Variants in SI observed in about 807,000 individuals in gnomAD.
The protein encoded by SI is sucrase-isomaltase, intestinal.
SI carries 235 observed loss-of-function variants against 253.3 expected under a neutral mutation model. That is an observed-to-expected ratio of 0.93 (90% CI 0.83 to 1.03). The LOEUF (loss-of-function observed/expected upper bound fraction) is 1.03. SI is among the 50% of genes least tolerant of loss of function. The pLI, the probability that SI is intolerant of heterozygous loss-of-function variation, is 0.00. For synonymous variants in SI, 819 were observed against 712.0 expected (o/e 1.15, Z -2.39); for missense variants, 2,442 against 2,211.1 (o/e 1.10, Z -2.09).
chr3:165,076,959 G>A (rs1255197319), intron 1 of SI, among the ~76,000 whole-genome samples: 1 of 148,854 alleles, frequency 6.7e-6, no homozygotes, highest in Non-Finnish European at 1.5e-5. Flanking sequence ...ATAAATTATT[G>A]GGTTTAAAAT....
In SI at chr3:164,994,378, T is replaced by C. The variant is rs1717916379; in HGVS notation, c.4720A>G (p.Thr1574Ala). The C allele has an allele frequency of 6.2e-7, 1 of 1,610,996 alleles. No homozygotes were observed. The highest frequency in any genetic ancestry group is 1.1e-5 in the South Asian group (1 of 91,032). Residue 1574 changes from threonine (T) to alanine (A), a missense_variant, in exon 41 of 48, where the codon ACT (threonine) becomes GCT (alanine). By Grantham distance (58) the Thr-to-Ala change is moderately conservative. Coordinates refer to ENST00000264382, the MANE Select transcript of SI (RefSeq NM_001041.4). The part of the protein sequence containing the change: ...RRQDPASWNE[T>A]FAEMSRNILN... ...ATATTCCTTGACATTTCAGCAAAAG[T>C]TTCATTCCAGGAAGCGGGATCTTGT...
rs765725418 is a variant in SI, at chr3:165,040,999, G to C, written c.2100C>G (p.Tyr700Ter). ...TIRYTLLPFL[Y>*]TLFYKAHVFG... ...ACACATGGGCTTTATAAAACAGAGT[G>C]TAGAGGAAGGGTAATAAGGTGTAGC... is the stretch of plus-strand genomic sequence containing the variant. Residue 700 changes from tyrosine to a stop codon, truncating the protein, a stop_gained, in exon 18 of 48, where the codon TAC (tyrosine) becomes TAG (stop). Coordinates refer to ENST00000264382, the MANE Select transcript of SI (RefSeq NM_001041.4). LOFTEE classifies it high-confidence loss of function. 1 of 1,612,510 alleles carries C rather than the reference G, an allele frequency of 6.2e-7. No homozygotes were observed. Among genetic ancestry groups the C allele is most frequent in the Admixed American group, 1.7e-5 (1 of 59,928 alleles).
rs555691834 is a variant in SI at position 165,017,544 on chromosome 3, A to G, written c.3759+4T>C. The G allele has an allele frequency of 1.7e-5, 27 of 1,610,902 alleles. No homozygotes were observed. In the South Asian group the frequency reaches 2.2e-4, roughly 13 times the overall value. The stretch of plus-strand genomic sequence containing the variant: ...TAACATTGTTTTAAAATTGATATAC[A>G]TACATAGGGGATGTTAGCAGCCACC... On this transcript the variant is annotated splice_donor_region_variant and intron_variant, in intron 31 of 47. Coordinates refer to ENST00000264382, the MANE Select transcript of SI (RefSeq NM_001041.4).
intron 24 of SI, among the ~76,000 whole-genome samples, chr3:165,031,737 T>C (rs1464686327): frequency 6.6e-6 from 1 of 150,874 alleles, no homozygotes; most frequent in Non-Finnish European, 1.5e-5. Flanking sequence ...ATTATATAAA[T>C]GGAGAAAAGA....
chr3:164,991,803 A>G (rs537518961), intron 43 of SI, among the ~76,000 whole-genome samples: 24 of 152,232 alleles, frequency 1.6e-4, no homozygotes, highest in African/African-American at 5.8e-4. Flanking sequence ...TCACATGCCT[A>G]AAGTGTGTGG....
intron 43 of SI, among the ~76,000 whole-genome samples, chr3:164,991,740 A>G (rs987167517): frequency 7.2e-5 from 11 of 152,128 alleles, no homozygotes; most frequent in Non-Finnish European, 1.5e-4. Context: ...CTAGTTAAAT[A>G]TAAGTCTTTA....
intron 37 of SI, among the ~76,000 whole-genome samples, chr3:165,000,028 GAAAT>G (rs1718188466): frequency 1.3e-5 from 2 of 150,908 alleles, no homozygotes; most frequent in African/African-American, 4.8e-5. Context: ...AATTTAATAA[GAAAT>G]AAATATATAA....
At chr3:165,046,776 A>G in intron 16 of SI, 65 bp downstream of exon 16, 1 of 1,298,516 alleles carries the variant, frequency 7.7e-7, no homozygotes, top group East Asian at 2.4e-5. Context: ...AAAATTAATT[A>G]AGATTACATT....
intron 3 of SI, 122 bp downstream of exon 3, chr3:165,074,409 G>A: frequency 1.8e-6 from 1 of 564,214 alleles, no homozygotes; most frequent in Non-Finnish European, 2.8e-6. Flanking sequence ...ATAATAAAAT[G>A]ATAAATTCAG....
intron 3 of SI, among the ~76,000 whole-genome samples, chr3:165,073,141 A>G (rs994951666): frequency 4.7e-5 from 7 of 150,106 alleles, no homozygotes; most frequent in African/African-American, 1.7e-4. Flanking sequence ...TATTGTTCCT[A>G]ATAGAATTCT....
intron 12 of SI, among the ~76,000 whole-genome samples, chr3:165,057,307 G>T (rs1713744353): frequency 6.6e-6 from 1 of 151,256 alleles, no homozygotes; most frequent in Non-Finnish European, 1.5e-5. Flanking sequence ...GACAAAAAAA[G>T]AATAAAAAAC....
chr3:165,003,674 T>C (rs887655423), intron 37 of SI, among the ~76,000 whole-genome samples: 1 of 152,084 alleles, frequency 6.6e-6, no homozygotes, highest in Admixed American at 6.6e-5. Flanking sequence ...ACAGAAGTTT[T>C]CAACCCTGTC....
chr3:165,004,946 T>G (rs2108151306), intron 37 of SI, among the ~76,000 whole-genome samples: 1 of 152,186 alleles, frequency 6.6e-6, no homozygotes, highest in East Asian at 1.9e-4. Context: ...CGGTTTCCCC[T>G]ACGCTATTCT....
chr3:165,067,482 G>A lies in SI; in HGVS notation c.493C>T (p.Pro165Ser). 6.2e-7 allele frequency: 1 copy of A among 1,608,424 alleles called. No individual in the cohort carries two copies. The highest frequency in any genetic ancestry group is 1.1e-5 in the South Asian group (1 of 90,944). Residue 165 changes from proline to serine, a missense_variant, in exon 6 of 48, where the codon CCA becomes TCA. Pro to Ser is a moderately conservative substitution (Grantham distance 74, BLOSUM62 -1). Transcript: ENST00000264382. ...PNRFRFKITD[P>S]NNRRYEVPHQ... Reference sequence around the variant, plus strand: ...GGAACTTCATATCTTCTATTATTTGGATCAGTAATCTGGAAAGATTTAAGC... The same window carrying A: ...GGAACTTCATATCTTCTATTATTTGAATCAGTAATCTGGAAAGATTTAAGC...
upstream of SI, among the ~76,000 whole-genome samples, chr3:165,081,035 T>C (rs201544090): frequency 6.6e-6 from 1 of 152,014 alleles, no homozygotes; most frequent in East Asian, 1.9e-4. Flanking sequence ...CAATTACTTC[T>C]GCCACCCTAG....
intron 37 of SI, among the ~76,000 whole-genome samples, chr3:165,001,747 C>T (rs1328897905): frequency 6.6e-6 from 1 of 151,328 alleles, no homozygotes; most frequent in African/African-American, 2.4e-5. Context: ...AAAGTAACTT[C>T]TAAATTAGTG....
chr3:165,065,476 TATATATA>T (rs1020607671), intron 6 of SI, 44 bp from the exon 7 acceptor site: 1 of 253,504 alleles, frequency 3.9e-6, no homozygotes, highest in Non-Finnish European at 6.5e-6. Flanking sequence ...TATATATATA[TATATATA>T]TATATATATA....
At chr3:165,010,697 C>T (rs994869422) in intron 34 of SI, among the ~76,000 whole-genome samples, 16 of 152,254 alleles carry the variant, frequency 1.1e-4, no homozygotes, top group African/African-American at 3.9e-4. Flanking sequence ...TAGCTGGCTG[C>T]TTCTATCACT....
At chr3:164,990,102 G>C (rs1332407044) in intron 44 of SI, among the ~76,000 whole-genome samples, 1 of 152,092 alleles carries the variant, frequency 6.6e-6, no homozygotes, top group African/African-American at 2.4e-5. Flanking sequence ...TTGGTTCAAT[G>C]ATTGTAACAA....
Sources: allele counts gnomAD v4.1 joint callset (sites outside exome capture counted in the v4.1 genomes callset), GRCh38; gene constraint gnomAD v4.1.1; transcripts MANE v1.5; gene names NCBI Gene and HGNC (gene_info 2026-07-23, HGNC 2026-07-21).